The following MLC1 variants were observed in gnomAD, a reference collection of about 807,000 sequenced individuals.
The protein encoded by MLC1 is modulator of VRAC current 1, also known as membrane protein MLC1.
In MLC1, 32 loss-of-function variants were observed where a neutral mutation model predicts 44.7. The observed-to-expected ratio is 0.72, with a 90% CI of 0.54 to 0.96. MLC1 has a LOEUF of 0.96. Among genes scored for constraint, MLC1 ranks in the 40% least tolerant of loss-of-function variants. MLC1 has a pLI of 0.00. For missense variants in MLC1, 459 were observed against 492.2 expected (o/e 0.93, Z 0.64); for synonymous variants, 190 against 213.0 (o/e 0.89, Z 0.94).
At chr22:50,063,934 C>CCCGG in intron 11 of MLC1, 100 bp downstream of exon 11, 1 of 1,335,050 alleles carries the variant, frequency 7.5e-7, no homozygotes, top group East Asian at 2.6e-5. Flanking sequence ...CACTCACCTC[C>CCCGG]CCAGCTTCCC....
At chr22:50,069,560 C>T (rs1052087498) in intron 9 of MLC1, among the ~76,000 whole-genome samples, 13 of 151,942 alleles carry the variant, frequency 8.6e-5, no homozygotes, top group African/African-American at 2.7e-4. Context: ...GCAGGAGAAT[C>T]GCTTGAACCC....
At chr22:50,080,731 G>T (rs909034806) in intron 3 of MLC1, among the ~76,000 whole-genome samples, 5 of 152,174 alleles carry the variant, frequency 3.3e-5, no homozygotes, top group African/African-American at 1.2e-4. Flanking sequence ...TATTCTGAAA[G>T]AAGTTTTTAT....
intron 11 of MLC1, among the ~76,000 whole-genome samples, chr22:50,062,673 T>TGTGCAGGGC (rs1313342749): frequency 6.6e-6 from 1 of 152,096 alleles, no homozygotes; most frequent in East Asian, 1.9e-4. Flanking sequence ...GAGGGCAGGG[T>TGTGCAGGGC]GTGCAGGGCA....
chr22:50,072,982 C>T (rs2061891955), intron 8 of MLC1, among the ~76,000 whole-genome samples: 1 of 144,418 alleles, frequency 6.9e-6, no homozygotes, highest in African/African-American at 2.5e-5. Context: ...AACACAGCTG[C>T]TGCCAATGGG....
chr22:50,070,273 A>C lies in MLC1; in HGVS notation c.771+254T>G, dbSNP rs2076130. ...ATGCTCAGACACTGGTCTCCTTCCAAGGGTTAGGCACAGAGAGCGCTTCCA... is the reference window on the plus strand; with the variant it reads ...ATGCTCAGACACTGGTCTCCTTCCACGGGTTAGGCACAGAGAGCGCTTCCA... On this transcript the variant is annotated intron_variant, in intron 9 of 11. Coordinates refer to ENST00000311597, the MANE Select transcript of MLC1 (RefSeq NM_015166.4). 0.12 allele frequency among the ~76,000 whole-genome samples: 18,712 copies of C among 152,262 alleles called. 1,284 individuals carry two copies. Among genetic ancestry groups the C allele is most frequent in the South Asian group, 0.23 (1,104 of 4,820 alleles).
intron 11 of MLC1, among the ~76,000 whole-genome samples, chr22:50,063,486 A>G (rs559737413): frequency 0.01 from 1,489 of 142,970 alleles, 12 homozygotes; most frequent in Non-Finnish European, 0.01. Flanking sequence ...AAAAAAAAAA[A>G]AAAAGAAAAG....
rs544190467 is a variant in MLC1, at chr22:50,060,892, C to G, written c.*691G>C. ...GTGGATCCCTCTAGAATGACTGGGT[C>G]TAAGTAGGGAGACAGGGCAGGCGAC... On this transcript the variant is annotated 3_prime_UTR_variant, in exon 12 of 12. Coordinates refer to ENST00000311597, the MANE Select transcript of MLC1 (RefSeq NM_015166.4). The G allele has an allele frequency of 6.5e-6, 1 of 155,026 alleles. No homozygotes were observed. Among genetic ancestry groups the G allele is most frequent in the African/African-American group, 2.4e-5 (1 of 41,480 alleles). The allele number at this position is 155,026 out of a possible 1,614,324, so 9.6% of individuals were successfully genotyped here.
At chr22:50,070,683 C>A (rs1294378964) in intron 8 of MLC1, 100 bp from the exon 9 acceptor site, 3 of 1,304,260 alleles carry the variant, frequency 2.3e-6, no homozygotes, top group Non-Finnish European at 3.2e-6. Flanking sequence ...TGCAGGCTGC[C>A]TGGCTGGCTT....
chr22:50,076,934 AC>A (rs768301284), intron 6 of MLC1, 22 bp from the exon 7 acceptor site: 1 of 1,613,654 alleles, frequency 6.2e-7, no homozygotes, highest in South Asian at 1.1e-5. Flanking sequence ...CAGAACTGTC[AC>A]CCCGGGTGCA....
At chr22:50,074,789 G>A in intron 7 of MLC1, 1 of 223,952 alleles carries the variant, frequency 4.5e-6, no homozygotes, top group East Asian at 1.1e-4. Context: ...CATTGCCACG[G>A]CAACACTGGA....
intron 1 of MLC1, 113 bp from the exon 2 acceptor site, chr22:50,085,074 TGAA>T: frequency 6.9e-7 from 1 of 1,453,584 alleles, no homozygotes; most frequent in Non-Finnish European, 9.1e-7. Context: ...GCTCTAAATT[TGAA>T]GAAGAAAATG....
chr22:50,070,697 G>A, intron 8 of MLC1, 114 bp from the exon 9 acceptor site: 1 of 1,167,940 alleles, frequency 8.6e-7, no homozygotes, highest in Non-Finnish European at 1.2e-6. Flanking sequence ...CTGGCTTGCT[G>A]TGGGGGGCAG....
In MLC1 at chr22:50,061,561, AC is replaced by A; in HGVS notation, c.*21del. Reference sequence around the variant, plus strand: ...GCTTGGGGCCAGGCTGGGCGCTGCCACCCGGTTTCCGCGTCTGGGGGTCACT... The same window carrying A: ...GCTTGGGGCCAGGCTGGGCGCTGCCACCGGTTTCCGCGTCTGGGGGTCACT... On this transcript the variant is annotated 3_prime_UTR_variant, in exon 12 of 12. Coordinates refer to ENST00000311597, the MANE Select transcript of MLC1 (RefSeq NM_015166.4). 6.2e-7 allele frequency: 1 copy of A among 1,611,946 alleles called. No individual in the cohort carries two copies. The highest frequency in any genetic ancestry group is 8.5e-7 in the Non-Finnish European group (1 of 1,178,890).
At position 50,074,342 on chromosome 22, in the gene MLC1, A is replaced by G. The variant is rs780083270; in HGVS notation, c.598-10T>C. The stretch of plus-strand genomic sequence containing the variant: ...CGATTACCTCGACGACCTGGAGGGG[A>G]CAGGACAGCATCGGCTCATAAGGAA... On this transcript the variant is annotated splice_polypyrimidine_tract_variant and intron_variant, in intron 7 of 11. Transcript: ENST00000311597. 1.2e-6 allele frequency: 2 copies of G among 1,606,624 alleles called. No individual in the cohort carries two copies. The highest frequency in any genetic ancestry group is 1.1e-5 in the South Asian group (1 of 90,954).
chr22:50,068,288 C>T (rs570536717), intron 10 of MLC1, 145 bp downstream of exon 10: 33 of 1,250,272 alleles, frequency 2.6e-5, no homozygotes, highest in Non-Finnish European at 3.2e-5. Flanking sequence ...GCACGGTCAC[C>T]GCTGCCCAGG....
chr22:50,063,845 C>A (rs1166949011), intron 11 of MLC1, among the ~76,000 whole-genome samples, 189 bp downstream of exon 11: 1 of 115,090 alleles, frequency 8.7e-6, no homozygotes, highest in South Asian at 2.7e-4. Flanking sequence ...CGGCTGGGCA[C>A]CCCTGTGGGC....
At chr22:50,077,022 G>A in intron 6 of MLC1, 110 bp from the exon 7 acceptor site, 2 of 1,145,758 alleles carry the variant, frequency 1.7e-6, no homozygotes, top group African/African-American at 3.0e-5. Context: ...CCGTGTAGAT[G>A]CGAGACCGCC....
intron 8 of MLC1, among the ~76,000 whole-genome samples, chr22:50,073,303 G>C (rs911498214): frequency 2.0e-5 from 3 of 152,248 alleles, no homozygotes; most frequent in African/African-American, 7.2e-5. Context: ...CAAACCAGGG[G>C]CTGGCCGTCA....
At chr22:50,078,590 T>A (rs1442102382) in intron 5 of MLC1, among the ~76,000 whole-genome samples, 1 of 151,518 alleles carries the variant, frequency 6.6e-6, no homozygotes, top group African/African-American at 2.4e-5. Flanking sequence ...AATACAAAAA[T>A]CAGCTGGGTA....
Sources: gnomAD v4.1 joint callset for allele counts (sites outside exome capture counted in the v4.1 genomes callset) on GRCh38, gnomAD v4.1.1 for gene constraint, MANE v1.5 for transcripts, NCBI Gene and HGNC (gene_info 2026-07-23, HGNC 2026-07-21) for gene names.